Variants in RC3H2 observed in about 807,000 individuals in gnomAD.
RC3H2 encodes the protein ring finger and CCCH-type domains 2.
In RC3H2, 31 loss-of-function variants were observed where a neutral mutation model predicts 133.3. That is an observed-to-expected ratio of 0.23 (90% CI 0.17 to 0.31). The LOEUF is 0.31. Ranked by LOEUF, RC3H2 falls within the 10% of genes least tolerant of loss-of-function variation. The probability of loss-of-function intolerance (pLI) is 1.00; values close to 1 mark genes in which losing one functional copy is unlikely to be tolerated. For synonymous variants in RC3H2, 517 were observed against 502.2 expected, an observed-to-expected ratio of 1.03 and a Z score of -0.40; for missense variants, 1,175 against 1,437.2, an observed-to-expected ratio of 0.82 and a Z score of 2.95.
At position 122,851,104 on chromosome 9, in the gene RC3H2, A is replaced by G. The variant is rs777741240; in HGVS notation, c.3357T>C (p.Ser1119=). ...QKEPPKQKKQ[S]LGEDHVILEE... ...ACAGAATCACATGGTCTTCACCTAAACTCTGTTTCTTCTGCTTTGGTGGCT... is the reference window on the plus strand; with the variant it reads ...ACAGAATCACATGGTCTTCACCTAAGCTCTGTTTCTTCTGCTTTGGTGGCT... The change falls in exon 20 of 21, where the codon AGT becomes AGC. Residue 1119 remains serine, a synonymous_variant. Transcript: ENST00000357244. 2.0e-5 allele frequency: 33 copies of G among 1,613,770 alleles called. No individual in the cohort carries two copies. In the East Asian group the frequency reaches 6.9e-4, roughly 34 times the overall value.
At chr9:122,869,206 C>T (rs1830942378) in intron 9 of RC3H2, among the ~76,000 whole-genome samples, 1 of 151,668 alleles carries the variant, frequency 6.6e-6, no homozygotes, top group Admixed American at 6.6e-5. Context: ...ATGCCTGGCC[C>T]CTACAACATT....
At chr9:122,897,211 C>T in intron 2 of RC3H2, 68 bp downstream of exon 2, 1 of 1,420,096 alleles carries the variant, frequency 7.0e-7, no homozygotes. Flanking sequence ...GCTGGACAAG[C>T]CGTTAAAATA....
chr9:122,890,098 G>A (rs958465865), intron 4 of RC3H2: 12 of 607,632 alleles, frequency 2.0e-5, no homozygotes, highest in African/African-American at 5.5e-5. Context: ...CCAAGACTGC[G>A]CCACTGCACT....
At chr9:122,864,846 G>A (rs148083183) in intron 10 of RC3H2, among the ~76,000 whole-genome samples, 3 of 151,926 alleles carry the variant, frequency 2.0e-5, no homozygotes, top group Non-Finnish European at 4.4e-5. Context: ...GGATGGTCTC[G>A]ATCTCCAGAC....
intron 4 of RC3H2, among the ~76,000 whole-genome samples, chr9:122,884,535 G>C (rs1831810758): frequency 6.6e-6 from 1 of 152,034 alleles, no homozygotes; most frequent in Non-Finnish European, 1.5e-5. Context: ...AATCATTGGA[G>C]AACATCAGAC....
At chr9:122,898,041 TTG>T (rs1192823971) in intron 1 of RC3H2, 1 of 152,444 alleles carries the variant, frequency 6.6e-6, no homozygotes, top group Non-Finnish European at 1.5e-5. Flanking sequence ...CCAAACAATA[TTG>T]TAGAGACTCA....
Position 122,858,787 on chromosome 9 carries a change from A to G in RC3H2, c.2165T>C (p.Val722Ala), listed in dbSNP as rs964953374. The change falls in exon 12 of 21, where the codon GTG (valine) becomes GCG (alanine). Residue 722 changes from valine (V) to alanine (A), a missense_variant. This residue lies in a region of RC3H2 where 490 missense variants were observed against 492.8 expected (regional missense o/e 0.99). Coordinates refer to ENST00000357244, the MANE Select transcript of RC3H2 (RefSeq NM_001100588.3). ...IRSNSLPPMD[V>A]MHSSVYQTSL... ...TGTCTGATAGACAGATGAGTGCATC[A>G]CATCCATTGGAGGTAAAGAATTGCT... The G allele has an allele frequency of 3.7e-6, 6 of 1,614,298 alleles. No individual in the cohort carries two copies. In the East Asian group the frequency reaches 1.3e-4, roughly 36 times the overall value.
At chr9:122,875,273 C>T in intron 9 of RC3H2, 1 of 1,550,960 alleles carries the variant, frequency 6.4e-7, no homozygotes. Context: ...CTCTCTATCA[C>T]AATGCTGCTG....
chr9:122,901,517 T>C (rs561519627), intron 1 of RC3H2, among the ~76,000 whole-genome samples: 64 of 152,296 alleles, frequency 4.2e-4, no homozygotes, highest in South Asian at 1.9e-3. Context: ...GACTCAAATT[T>C]TACTTCTTAA....
Position 122,847,178 on chromosome 9 carries a change from A to G in RC3H2, c.*2449T>C, listed in dbSNP as rs1829888770. On this transcript the variant is annotated 3_prime_UTR_variant, in exon 21 of 21. Coordinates refer to ENST00000357244, the MANE Select transcript of RC3H2 (RefSeq NM_001100588.3). ...GCAAATGTAATTTCACTGGACAAGT[A>G]GGCAAACATCTAAGCAGTTTATCCC... 6.6e-6 allele frequency: 1 copy of G among 152,176 alleles called. No individual in the cohort carries two copies. Among genetic ancestry groups the G allele is most frequent in the Non-Finnish European group, 1.5e-5 (1 of 67,998 alleles). The allele number at this position is 152,176 out of a possible 1,614,324, so 9.4% of individuals were successfully genotyped here. A position where few individuals can be genotyped will look rare whatever the true frequency, so the allele number is the denominator to read the frequency against.
intron 9 of RC3H2, chr9:122,875,513 G>GT (rs1383895506): frequency 4.9e-6 from 6 of 1,228,896 alleles, no homozygotes; most frequent in Non-Finnish European, 6.4e-6. Flanking sequence ...CTGAGTGGTT[G>GT]TAACAGATTC....
At chr9:122,850,895 G>C (rs772119457) in intron 20 of RC3H2, among the ~76,000 whole-genome samples, 186 bp downstream of exon 20, 1 of 152,170 alleles carries the variant, frequency 6.6e-6, no homozygotes, top group Non-Finnish European at 1.5e-5. Flanking sequence ...GCAAGTTTCA[G>C]GCTACCAAAA....
At chr9:122,898,878 AC>A (rs1832534939) in intron 1 of RC3H2, among the ~76,000 whole-genome samples, 1 of 152,104 alleles carries the variant, frequency 6.6e-6, no homozygotes, top group Non-Finnish European at 1.5e-5. Context: ...CATAAGTCTG[AC>A]AAAAGCTCTC....
At chr9:122,860,612 A>G (rs1435572469) in intron 10 of RC3H2, among the ~76,000 whole-genome samples, 1 of 151,730 alleles carries the variant, frequency 6.6e-6, no homozygotes, top group Non-Finnish European at 1.5e-5. Context: ...CGGGGTCTAG[A>G]TTTGTTGCTC....
At chr9:122,861,848 A>G (rs926549013) in intron 10 of RC3H2, among the ~76,000 whole-genome samples, 4 of 152,230 alleles carry the variant, frequency 2.6e-5, no homozygotes, top group Admixed American at 2.6e-4. Flanking sequence ...TAACTAAGGA[A>G]CTGTGGGTAA....
At chr9:122,894,253 C>T (rs981761401) in intron 2 of RC3H2, among the ~76,000 whole-genome samples, 17 of 149,812 alleles carry the variant, frequency 1.1e-4, no homozygotes, top group African/African-American at 3.9e-4. Context: ...AGCAAGACTC[C>T]GTCTCAAAAA....
chr9:122,886,257 G>A (rs1831908952), intron 4 of RC3H2, among the ~76,000 whole-genome samples: 2 of 152,174 alleles, frequency 1.3e-5, no homozygotes, highest in Admixed American at 6.5e-5. Context: ...TATGGCTGAG[G>A]AATAGCCTAT....
chr9:122,867,676 GC>G (rs1308853135), intron 9 of RC3H2, among the ~76,000 whole-genome samples: 1 of 113,796 alleles, frequency 8.8e-6, no homozygotes, highest in Non-Finnish European at 1.9e-5. Flanking sequence ...TTGCCCCACC[GC>G]CCCGTCTGGG....
In RC3H2 at chr9:122,890,551, G is replaced by C; in HGVS notation, c.350-6C>G. The C allele has an allele frequency of 6.3e-7, 1 of 1,580,664 alleles. No homozygotes were observed. Among genetic ancestry groups the C allele is most frequent in the Non-Finnish European group, 8.6e-7 (1 of 1,160,654 alleles). ...CTGGTTCAAGCTAGCTACACCTTTA[G>C]GAAAAGGGAAACAAAGGGAGCTAAA... On this transcript the variant is annotated splice_polypyrimidine_tract_variant and splice_region_variant and intron_variant, in intron 3 of 20. Transcript: ENST00000357244.
Sources: allele counts gnomAD v4.1 joint callset (sites outside exome capture counted in the v4.1 genomes callset), GRCh38; gene constraint gnomAD v4.1.1; regional missense constraint gnomAD v4.1.1; transcripts MANE v1.5; gene names NCBI Gene and HGNC (gene_info 2026-07-23, HGNC 2026-07-21).